Variants in CDH18 observed in about 807,000 individuals in gnomAD.
CDH18 encodes cadherin-18.
CDH18 carries 31 observed loss-of-function variants against 67.9 expected under a neutral mutation model. That is an observed-to-expected ratio of 0.46 (90% CI 0.34 to 0.62). The LOEUF (loss-of-function observed/expected upper bound fraction) is 0.62. Ranked by LOEUF, CDH18 falls within the 20% of genes least tolerant of loss-of-function variation. The probability of loss-of-function intolerance (pLI) is 0.01; values close to 1 mark genes in which losing one functional copy is unlikely to be tolerated. For synonymous variants in CDH18, 362 were observed against 347.2 expected (o/e 1.04, Z -0.48); for missense variants, 890 against 975.5 (o/e 0.91, Z 1.17).
intron 1 of CDH18, among the ~76,000 whole-genome samples, chr5:20,463,517 GGAGA>G (rs1751417978): frequency 6.6e-6 from 1 of 152,236 alleles, no homozygotes; most frequent in Admixed American, 6.5e-5. Context: ...CAGGGCAGTA[GGAGA>G]GAGAATGAGT....
rs370749541 is a variant in CDH18 at position 20,154,881 on chromosome 5, A to C, written c.-518+100563T>G. 4.1e-4 allele frequency among the ~76,000 whole-genome samples: 63 copies of C among 152,142 alleles called. 2 individuals are homozygous for C. In the South Asian group the frequency reaches 0.012, roughly 30 times the overall value. On this transcript the variant is annotated intron_variant, in intron 2 of 14. Transcript: ENST00000507958. ...CCTATAACAAGTTCTTGCTTTTTCC[A>C]CCCAGTCATCATGTTTTTCTTGCTC...
chr5:19,713,256 T>C (rs1426886743), intron 5 of CDH18, among the ~76,000 whole-genome samples: 1 of 152,116 alleles, frequency 6.6e-6, no homozygotes, highest in Non-Finnish European at 1.5e-5. Context: ...CTTTTTGATA[T>C]GTAAAGGTAT....
intron 2 of CDH18, among the ~76,000 whole-genome samples, chr5:19,848,377 G>A (rs921903918): frequency 6.6e-6 from 1 of 152,086 alleles, no homozygotes; most frequent in Non-Finnish European, 1.5e-5. Context: ...ATTATGATGA[G>A]AGGGTGCCAC....
At chr5:20,415,660 C>G (rs1404211559) in intron 1 of CDH18, among the ~76,000 whole-genome samples, 3 of 151,942 alleles carry the variant, frequency 2.0e-5, no homozygotes, top group South Asian at 4.1e-4. Context: ...GCAGTCCCAG[C>G]TACTCGGGAG....
chr5:19,654,241 A>G lies in CDH18; in HGVS notation c.644-41640T>C, dbSNP rs148811691. On this transcript the variant is annotated intron_variant, in intron 5 of 12. Transcript: ENST00000382275. ...TTGCATGTTTGATGGAGTTATGATGATAAGAGCAAGAAGAGGTGATAGCAC... is the reference window on the plus strand; with the variant it reads ...TTGCATGTTTGATGGAGTTATGATGGTAAGAGCAAGAAGAGGTGATAGCAC... Among the ~76,000 whole-genome samples the G allele has an allele frequency of 4.4e-3, 670 of 152,296 alleles. 6 individuals carry two copies. The highest frequency in any genetic ancestry group is 0.015 in the African/African-American group (641 of 41,562).
intron 2 of CDH18, among the ~76,000 whole-genome samples, chr5:20,047,015 CAAAA>C (rs1476396494): frequency 6.6e-6 from 1 of 151,144 alleles, no homozygotes; most frequent in East Asian, 1.9e-4. Flanking sequence ...ACAAAAAAAA[CAAAA>C]AGAAAGAAAC....
At chr5:20,532,752 CT>C (rs1177683949) in intron 1 of CDH18, among the ~76,000 whole-genome samples, 2 of 152,068 alleles carry the variant, frequency 1.3e-5, no homozygotes, top group East Asian at 3.9e-4. Context: ...AAATCTCAAG[CT>C]TTCTGGAAAT....
At chr5:20,333,453 G>A (rs1739376213) in intron 1 of CDH18, among the ~76,000 whole-genome samples, 1 of 149,792 alleles carries the variant, frequency 6.7e-6, no homozygotes, top group South Asian at 2.1e-4. Flanking sequence ...GTTGCAGTGA[G>A]CTGAGGTCGA....
intron 3 of CDH18, among the ~76,000 whole-genome samples, chr5:19,803,495 C>G (rs1362242779): frequency 6.6e-6 from 1 of 152,152 alleles, no homozygotes; most frequent in Non-Finnish European, 1.5e-5. Flanking sequence ...TAGCTAGTGA[C>G]TATCGTAATA....
Position 19,473,436 on chromosome 5 carries a change from T to A in CDH18, c.2163A>T (p.Ala721=), listed in dbSNP as rs1561132649. The A allele has an allele frequency of 6.2e-7, 1 of 1,613,918 alleles. No homozygotes were observed. The highest frequency in any genetic ancestry group is 8.5e-7 in the Non-Finnish European group (1 of 1,179,920). The change falls in exon 13 of 13, where the codon GCA becomes GCT. Residue 721 remains alanine, a synonymous_variant. Coordinates refer to ENST00000382275, the MANE Select transcript of CDH18 (RefSeq NM_004934.5). ...DVQEFIKQRL[A]EADLDPSVPP... ...GAACGCTAGGGTCTAGGTCTGCTTC[T>A]GCCAGTCTTTGCTTAATAAATTCCT...
chr5:20,474,245 T>C (rs55987440), intron 1 of CDH18, among the ~76,000 whole-genome samples: 8,402 of 152,006 alleles, frequency 0.055, 772 homozygotes, highest in African/African-American at 0.19. Flanking sequence ...CACTGCACCT[T>C]TCCAGCCTGG....
intron 2 of CDH18, among the ~76,000 whole-genome samples, chr5:20,248,984 T>C (rs1209478238): frequency 6.6e-6 from 1 of 152,100 alleles, no homozygotes; most frequent in Non-Finnish European, 1.5e-5. Context: ...ATAGGCTTAA[T>C]TTTTTCATGT....
At chr5:20,466,957 G>A (rs76207609) in intron 1 of CDH18, among the ~76,000 whole-genome samples, 2,673 of 152,146 alleles carry the variant, frequency 0.018, 54 homozygotes, top group African/African-American at 0.045. Context: ...TGAAATTATG[G>A]CCTTGTTGCA....
chr5:20,105,104 T>G (rs573091755), intron 2 of CDH18, among the ~76,000 whole-genome samples: 4 of 152,178 alleles, frequency 2.6e-5, no homozygotes, highest in African/African-American at 9.6e-5. Context: ...TCTCCTGCTT[T>G]AACCTCTTGA....
intron 3 of CDH18, among the ~76,000 whole-genome samples, chr5:19,790,196 C>T (rs186889689): frequency 6.6e-6 from 1 of 152,092 alleles, no homozygotes; most frequent in Admixed American, 6.6e-5. Context: ...CTAAACCTTT[C>T]TAGTTTTCCA....
At chr5:19,940,733 G>A (rs541401690) in intron 2 of CDH18, among the ~76,000 whole-genome samples, 4 of 151,920 alleles carry the variant, frequency 2.6e-5, no homozygotes, top group South Asian at 2.1e-4. Context: ...TAATCACCCC[G>A]ATTAAGATAG....
intron 2 of CDH18, among the ~76,000 whole-genome samples, chr5:19,977,708 C>T (rs868684638): frequency 2.6e-4 from 31 of 117,050 alleles, no homozygotes; most frequent in African/African-American, 7.4e-4. Flanking sequence ...TTTTTTATAC[C>T]CTTGAAATTT....
At position 20,109,961 on chromosome 5, in the gene CDH18, G is replaced by A. The variant is rs563451948; in HGVS notation, c.-517-117947C>T. 3.9e-5 allele frequency among the ~76,000 whole-genome samples: 6 copies of A among 152,292 alleles called. No individual in the cohort carries two copies. The South Asian group carries it at 1.2e-3, about 32-fold the overall frequency. On this transcript the variant is annotated intron_variant, in intron 2 of 14. Coordinates refer to the CDH18 transcript ENST00000507958. ...CAATGTTTTGGTATTGTTCTTTAAT[G>A]TTATTGTATTAAGGATACTAGTTTG...
intron 2 of CDH18, among the ~76,000 whole-genome samples, chr5:19,887,101 TGATAC>T (rs1472977454): frequency 6.6e-6 from 1 of 151,984 alleles, no homozygotes; most frequent in Non-Finnish European, 1.5e-5. Context: ...ATTATTTATG[TGATAC>T]ATACACAGAG....
Sources: gnomAD v4.1 joint callset for allele counts (sites outside exome capture counted in the v4.1 genomes callset) on GRCh38, gnomAD v4.1.1 for gene constraint, MANE v1.5 for transcripts, NCBI Gene and HGNC (gene_info 2026-07-23, HGNC 2026-07-21) for gene names.